Variants in HDAC9 observed in about 807,000 individuals in gnomAD.
HDAC9 encodes the protein histone deacetylase 9, also known as MEF-2 interacting transcription repressor (MITR) protein.
In HDAC9, 41 loss-of-function variants were observed where a neutral mutation model predicts 139.4. The observed-to-expected ratio is 0.29, with a 90% CI of 0.23 to 0.38. The LOEUF is 0.38. Among genes scored for constraint, HDAC9 ranks in the 10% least tolerant of loss-of-function variants. The pLI, the probability that HDAC9 is intolerant of heterozygous loss-of-function variation, is 1.00. For missense variants in HDAC9, 1,147 were observed against 1,297.0 expected (o/e 0.88, Z 1.78); for synonymous variants, 517 against 476.2 (o/e 1.09, Z -1.12).
At chr7:18,190,442 G>A (rs941945352) in intron 2 of HDAC9, among the ~76,000 whole-genome samples, 10 of 152,078 alleles carry the variant, frequency 6.6e-5, no homozygotes, top group African/African-American at 1.4e-4. Context: ...ACTTGCCTTC[G>A]CCAAAATTTA....
intron 1 of HDAC9, among the ~76,000 whole-genome samples, chr7:18,478,115 A>C (rs1167710698): frequency 6.6e-6 from 1 of 151,810 alleles, no homozygotes; most frequent in African/African-American, 2.4e-5. Context: ...TCTGTCGCCC[A>C]GGCTGGAGTG....
chr7:18,857,221 T>C (rs1394462388), intron 21 of HDAC9, among the ~76,000 whole-genome samples: 1 of 152,096 alleles, frequency 6.6e-6, no homozygotes, highest in Non-Finnish European at 1.5e-5. Flanking sequence ...TTTAACTGTG[T>C]TGCAGCACAT....
At chr7:18,767,643 C>A (rs1041196708) in intron 16 of HDAC9, among the ~76,000 whole-genome samples, 5 of 152,122 alleles carry the variant, frequency 3.3e-5, no homozygotes, top group Non-Finnish European at 7.4e-5. Context: ...ACATTTTTGT[C>A]TTCAATAATT....
At chr7:18,385,469 A>G (rs1389236279) in intron 1 of HDAC9, among the ~76,000 whole-genome samples, 1 of 152,146 alleles carries the variant, frequency 6.6e-6, no homozygotes, top group Non-Finnish European at 1.5e-5. Context: ...ATCTGAGTGT[A>G]TTTTGGAAAG....
chr7:18,535,648 A>G (rs1283087390), intron 2 of HDAC9, among the ~76,000 whole-genome samples: 1 of 148,762 alleles, frequency 6.7e-6, no homozygotes, highest in Non-Finnish European at 1.5e-5. Context: ...AGAAAGTATC[A>G]GAAATGGCTT....
chr7:18,221,138 T>G (rs1396294310), intron 2 of HDAC9, among the ~76,000 whole-genome samples: 2 of 148,582 alleles, frequency 1.3e-5, no homozygotes, highest in Admixed American at 1.3e-4. Context: ...GTTTCACTCT[T>G]TTTGCCCAGG....
intron 1 of HDAC9, among the ~76,000 whole-genome samples, chr7:18,421,715 A>T (rs1042824846): frequency 3.9e-5 from 6 of 152,150 alleles, no homozygotes; most frequent in Admixed American, 2.0e-4. Flanking sequence ...AGTTTACCTC[A>T]CAAGTAAGCA....
chr7:18,564,229 A>G (rs1164641204), intron 2 of HDAC9, among the ~76,000 whole-genome samples: 1 of 151,774 alleles, frequency 6.6e-6, no homozygotes, highest in Non-Finnish European at 1.5e-5. Flanking sequence ...TACAGTTGCA[A>G]CCATACAATT....
At chr7:18,253,909 CA>C (rs1163049879) in intron 2 of HDAC9, among the ~76,000 whole-genome samples, 2 of 152,158 alleles carry the variant, frequency 1.3e-5, no homozygotes, top group Non-Finnish European at 2.9e-5. Context: ...TTTCCTTAGC[CA>C]AAATTTAATC....
Position 18,762,271 on chromosome 7 carries a change from C to T in HDAC9, c.2158C>T (p.Leu720Phe). The change falls in exon 15 of 26, where the codon CTC becomes TTC. Residue 720 changes from leucine (L) to phenylalanine (F), a missense_variant. Physicochemically the swap from Leu to Phe is conservative, Grantham distance 22. Around this residue, in one of 7 missense-constraint regions of HDAC9, gnomAD observed 407 missense variants for 521.5 expected, o/e 0.78. Transcript: ENST00000686413. ...CGGACAGAAGCTGGACCCCAGGATA[C>T]TCCTAGGTCTGTACGGGCCTCCACT... Reference protein sequence around the residue: ...LDGQKLDPRILLGDDSQKFFS... With the variant: ...LDGQKLDPRIFLGDDSQKFFS... 1.9e-6 allele frequency: 3 copies of T among 1,613,428 alleles called. No individual in the cohort carries two copies. Among genetic ancestry groups the T allele is most frequent in the Non-Finnish European group, 2.5e-6 (3 of 1,179,584 alleles).
At chr7:18,539,820 G>C (rs1812163021) in intron 2 of HDAC9, among the ~76,000 whole-genome samples, 1 of 151,962 alleles carries the variant, frequency 6.6e-6, no homozygotes, top group South Asian at 2.1e-4. Context: ...TGTGATTATA[G>C]TTATTTGAAT....
chr7:18,226,280 C>T (rs982176934), intron 2 of HDAC9, among the ~76,000 whole-genome samples: 3 of 152,134 alleles, frequency 2.0e-5, no homozygotes, highest in African/African-American at 7.2e-5. Context: ...ACCCCAGAAT[C>T]AGAGAGATGT....
chr7:18,875,176 AC>A (rs1203310464), intron 22 of HDAC9, among the ~76,000 whole-genome samples: 1 of 152,136 alleles, frequency 6.6e-6, no homozygotes, highest in Admixed American at 6.6e-5. Flanking sequence ...ATTTTATGTT[AC>A]AGTGCATTTG....
chr7:18,892,153 T>C (rs923272228), intron 22 of HDAC9: 1 of 152,164 alleles, frequency 6.6e-6, no homozygotes, highest in African/African-American at 2.4e-5. Context: ...AGACCTGCGT[T>C]CTACAGACAC....
intron 12 of HDAC9, among the ~76,000 whole-genome samples, chr7:18,694,908 C>T (rs1782931122): frequency 6.6e-6 from 1 of 152,116 alleles, no homozygotes. Flanking sequence ...TATTTCCTCC[C>T]TCCTACTCCT....
chr7:18,178,974 C>T (rs756715746), intron 2 of HDAC9, among the ~76,000 whole-genome samples: 1 of 152,076 alleles, frequency 6.6e-6, no homozygotes, highest in African/African-American at 2.4e-5. Context: ...CTGTGTGTCT[C>T]CATTAAAGAT....
chr7:18,850,095 A>G (rs1046603032), intron 21 of HDAC9, among the ~76,000 whole-genome samples: 1 of 151,852 alleles, frequency 6.6e-6, no homozygotes, highest in Non-Finnish European at 1.5e-5. Flanking sequence ...AAAAAAAAAA[A>G]AAAAAGAAAA....
intron 2 of HDAC9, among the ~76,000 whole-genome samples, chr7:18,187,514 A>G (rs1369929243): frequency 2.0e-5 from 3 of 152,206 alleles, no homozygotes; most frequent in Non-Finnish European, 2.9e-5. Context: ...ACCTGTGGTT[A>G]AAACCATGGC....
chr7:18,771,379 C>A (rs1790275872), intron 16 of HDAC9, among the ~76,000 whole-genome samples: 1 of 151,924 alleles, frequency 6.6e-6, no homozygotes, highest in Non-Finnish European at 1.5e-5. Flanking sequence ...AATTTAAGGC[C>A]CATTTCAATT....
Sources: allele counts gnomAD v4.1 joint callset (sites outside exome capture counted in the v4.1 genomes callset), GRCh38; gene constraint gnomAD v4.1.1; regional missense constraint gnomAD v4.1.1; transcripts MANE v1.5; gene names NCBI Gene and HGNC (gene_info 2026-07-23, HGNC 2026-07-21).